Variants in RHEX observed in about 807,000 individuals in gnomAD.
The protein encoded by RHEX is regulator of hemoglobinization and erythroid cell expansion.
Under a neutral mutation model 20.1 loss-of-function variants are expected in RHEX, and 18 were observed. The ratio of observed to expected loss-of-function variants is 0.90; its 90% CI spans 0.62 to 1.33. The LOEUF (loss-of-function observed/expected upper bound fraction) is 1.33, where lower values mean the gene tolerates loss of function less well. Ranked by LOEUF, RHEX falls within the 40% of genes most tolerant of loss-of-function variation. The probability of loss-of-function intolerance (pLI) is 0.00; values close to 1 mark genes in which losing one functional copy is unlikely to be tolerated. For synonymous variants in RHEX, 87 were observed against 77.1 expected (o/e 1.13, Z -0.67); for missense variants, 192 against 214.3 (o/e 0.90, Z 0.65).
chr1:206,057,844 G>T (rs28754987), intron 1 of RHEX, among the ~76,000 whole-genome samples: 2 of 152,110 alleles, frequency 1.3e-5, no homozygotes, highest in Admixed American at 6.5e-5. Context: ...ATGGGGATAT[G>T]GAACCCCCAT....
Position 206,101,191 on chromosome 1 carries a change from C to T in RHEX, c.312C>T (p.Ala104=), listed in dbSNP as rs1553288340. ...ATAGCTCCTGCAGTTCGCCTCCTGC[C>T]TGCCAGGTAATGGATGTGCCTAGTG... ...SLDSSCSSPP[A]CQATEDVDYT... is the part of the protein sequence containing the mutation. Residue 104 remains alanine (A), a synonymous_variant, in exon 5 of 6, where the codon GCC becomes GCT. Transcript: ENST00000331555. The T allele has an allele frequency of 1.2e-6, 2 of 1,611,622 alleles. No individual in the cohort carries two copies. The highest frequency in any genetic ancestry group is 1.7e-6 in the Non-Finnish European group (2 of 1,178,680).
At chr1:206,089,584 A>G (rs994410380) in intron 1 of RHEX, among the ~76,000 whole-genome samples, 2 of 152,022 alleles carry the variant, frequency 1.3e-5, no homozygotes, top group East Asian at 3.9e-4. Flanking sequence ...TTTGCATAAT[A>G]GCTTTGGTCT....
At chr1:206,079,539 G>T (rs532563788) in intron 1 of RHEX, among the ~76,000 whole-genome samples, 2 of 152,232 alleles carry the variant, frequency 1.3e-5, no homozygotes, top group East Asian at 3.9e-4. Flanking sequence ...GGAATTTAGG[G>T]TTAGATCAGC....
At chr1:206,058,051 C>T (rs1662230143) in intron 1 of RHEX, among the ~76,000 whole-genome samples, 1 of 152,262 alleles carries the variant, frequency 6.6e-6, no homozygotes, top group African/African-American at 2.4e-5. Context: ...TAATTATTGT[C>T]TACACATAGA....
chr1:206,092,072 CTTT>C (rs1662962915), intron 1 of RHEX, among the ~76,000 whole-genome samples: 1 of 140,744 alleles, frequency 7.1e-6, no homozygotes, highest in Non-Finnish European at 1.5e-5. Flanking sequence ...CTTTCTCTCT[CTTT>C]CTTTCTTTCT....
intron 1 of RHEX, among the ~76,000 whole-genome samples, chr1:206,096,095 G>A (rs781904963): frequency 1.2e-4 from 19 of 152,268 alleles, no homozygotes; most frequent in Non-Finnish European, 2.1e-4. Context: ...CTCCCAAAGC[G>A]CTGGGGTTAT....
At chr1:206,094,679 T>C (rs1553287468) in intron 1 of RHEX, among the ~76,000 whole-genome samples, 1 of 152,166 alleles carries the variant, frequency 6.6e-6, no homozygotes, top group Non-Finnish European at 1.5e-5. Flanking sequence ...TGGACGTCCG[T>C]ATTATTTACT....
intron 1 of RHEX, among the ~76,000 whole-genome samples, chr1:206,056,833 G>C (rs1662204122): frequency 6.6e-6 from 1 of 152,244 alleles, no homozygotes. Flanking sequence ...AAGTATATCT[G>C]TCAAGAATCA....
chr1:206,069,101 C>T (rs1193990978), intron 1 of RHEX, among the ~76,000 whole-genome samples: 4 of 152,210 alleles, frequency 2.6e-5, no homozygotes, highest in African/African-American at 7.2e-5. Context: ...CAGTAAGAGA[C>T]GTCTCTCTTG....
chr1:206,054,186 T>C (rs1440751452), intron 1 of RHEX, among the ~76,000 whole-genome samples: 2 of 151,256 alleles, frequency 1.3e-5, no homozygotes, highest in Non-Finnish European at 2.9e-5. Flanking sequence ...ATATGGTAAA[T>C]TCTTGTCCTG....
intron 4 of RHEX, 147 bp downstream of exon 4, chr1:206,099,945 C>CT: frequency 2.9e-6 from 2 of 699,822 alleles, no homozygotes; most frequent in South Asian, 2.0e-5. Context: ...TGCCAGCCTA[C>CT]TTTTTTTCAG....
At chr1:206,082,439 AC>A (rs1662757285) in intron 1 of RHEX, among the ~76,000 whole-genome samples, 1 of 150,768 alleles carries the variant, frequency 6.6e-6, no homozygotes, top group African/African-American at 2.4e-5. Flanking sequence ...AATCGCTTGA[AC>A]CCAGGAGGCG....
chr1:206,068,279 G>T (rs1662466776), intron 1 of RHEX, among the ~76,000 whole-genome samples: 1 of 152,176 alleles, frequency 6.6e-6, no homozygotes, highest in East Asian at 1.9e-4. Context: ...AAGTTGTTTT[G>T]TACAATAAAG....
At chr1:206,082,466 C>T (rs1031313851) in intron 1 of RHEX, among the ~76,000 whole-genome samples, 19 of 150,872 alleles carry the variant, frequency 1.3e-4, no homozygotes, top group African/African-American at 4.6e-4. Flanking sequence ...TGCAGCGGGC[C>T]GAGGTCGCAC....
chr1:206,063,637 G>T (rs1481878808), intron 1 of RHEX, among the ~76,000 whole-genome samples: 12 of 152,258 alleles, frequency 7.9e-5, no homozygotes, highest in Non-Finnish European at 1.6e-4. Context: ...TGAGTCATCC[G>T]CCAGCCTCGG....
chr1:206,054,324 T>A (rs1210505172), intron 1 of RHEX, among the ~76,000 whole-genome samples: 4 of 152,248 alleles, frequency 2.6e-5, no homozygotes, highest in African/African-American at 9.7e-5. Flanking sequence ...GCAAAAAATG[T>A]TGTATAATTT....
chr1:206,101,457 C>A (rs1267350059), intron 5 of RHEX, among the ~76,000 whole-genome samples: 1 of 152,152 alleles, frequency 6.6e-6, no homozygotes, highest in East Asian at 1.9e-4. Flanking sequence ...TCCCCACACC[C>A]CAGTTGTTGG....
rs782343742 is a variant in RHEX, at chr1:206,101,794, C to G, written c.361C>G (p.Pro121Ala). 1.9e-6 allele frequency: 3 copies of G among 1,613,848 alleles called. No individual in the cohort carries two copies. The highest frequency in any genetic ancestry group is 1.7e-6 in the Non-Finnish European group (2 of 1,179,984). ...VDYTQVVFSD[P>A]GELKNDSPLD... ...TTACACACAAGTCGTCTTTTCTGAC[C>G]CTGGAGAACTAAAAAATGACTCCCC... The change falls in exon 6 of 6, where the codon CCT (proline) becomes GCT (alanine). Residue 121 changes from proline to alanine, a missense_variant. By Grantham distance (27) the Pro-to-Ala change is conservative. Coordinates refer to ENST00000331555, the MANE Select transcript of RHEX (RefSeq NM_001007544.4).
At position 206,085,228 on chromosome 1, in the gene RHEX, GAGTGTT is replaced by G. The variant is rs1662815045; in HGVS notation, c.-96-12503_-96-12498del. Among the ~76,000 whole-genome samples, 8 of 152,308 alleles carry G rather than the reference GAGTGTT, an allele frequency of 5.3e-5. No individual in the cohort carries two copies. The South Asian group carries it at 1.7e-3, about 32-fold the overall frequency. On this transcript the variant is annotated intron_variant, in intron 1 of 5. Coordinates refer to ENST00000331555, the MANE Select transcript of RHEX (RefSeq NM_001007544.4). The stretch of plus-strand genomic sequence containing the variant: ...AATTGATTTAATAGCAATGTGTACA[GAGTGTT>G]ACACATTGAAATGCTTTTTCCATCC...
Sources: gnomAD v4.1 joint callset for allele counts (sites outside exome capture counted in the v4.1 genomes callset) on GRCh38, gnomAD v4.1.1 for gene constraint, MANE v1.5 for transcripts, NCBI Gene and HGNC (gene_info 2026-07-23, HGNC 2026-07-21) for gene names.